The following MEGF6 variants were observed in gnomAD, a reference collection of about 807,000 sequenced individuals.
MEGF6 encodes multiple epidermal growth factor-like domains protein 6.
MEGF6 carries 184 observed loss-of-function variants against 207.1 expected under a neutral mutation model. The observed-to-expected ratio is 0.89, with a 90% CI of 0.79 to 1.00. The LOEUF (loss-of-function observed/expected upper bound fraction) is 1.00, where lower values mean the gene tolerates loss of function less well. Among genes scored for constraint, MEGF6 ranks in the 50% least tolerant of loss-of-function variants. The pLI, the probability that MEGF6 is intolerant of heterozygous loss-of-function variation, is 0.00. For synonymous variants in MEGF6, 1,038 were observed against 910.0 expected (o/e 1.14, Z -2.53); for missense variants, 2,282 against 2,202.9 (o/e 1.04, Z -0.72).
intron 17 of MEGF6, 69 bp from the exon 18 acceptor site, chr1:3,501,990 G>T (rs112947889): frequency 1.2e-4 from 120 of 971,256 alleles, no homozygotes; most frequent in African/African-American, 1.1e-3. Context: ...CTTTCCCCCA[G>T]GGGCTCCTGG....
chr1:3,570,927 A>G (rs1399900330), intron 4 of MEGF6, among the ~76,000 whole-genome samples: 1 of 152,088 alleles, frequency 6.6e-6, no homozygotes, highest in Admixed American at 6.5e-5. Context: ...CCCCAGGGAC[A>G]GGGCCCCAGG....
At chr1:3,536,414 G>A (rs1373846736) in intron 4 of MEGF6, among the ~76,000 whole-genome samples, 1 of 152,252 alleles carries the variant, frequency 6.6e-6, no homozygotes, top group Admixed American at 6.5e-5. Flanking sequence ...GAGTATAAAT[G>A]AGCCCCAGCT....
chr1:3,602,957 G>C (rs113085311), intron 1 of MEGF6, among the ~76,000 whole-genome samples: 1 of 152,178 alleles, frequency 6.6e-6, no homozygotes. Flanking sequence ...AGGACCAAGC[G>C]CGGGCCCATT....
chr1:3,610,711 C>A (rs1054589146), intron 1 of MEGF6, among the ~76,000 whole-genome samples: 17 of 152,360 alleles, frequency 1.1e-4, no homozygotes, highest in African/African-American at 3.6e-4. Context: ...CCCATCTGGG[C>A]ACTGCTCGCC....
At chr1:3,553,263 C>T (rs999808469) in intron 4 of MEGF6, among the ~76,000 whole-genome samples, 1 of 151,962 alleles carries the variant, frequency 6.6e-6, no homozygotes, top group South Asian at 2.1e-4. Flanking sequence ...CCCAGCCTGC[C>T]CAGCTCCCCC....
At chr1:3,567,809 A>G (rs963825796) in intron 4 of MEGF6, among the ~76,000 whole-genome samples, 3 of 152,144 alleles carry the variant, frequency 2.0e-5, no homozygotes, top group African/African-American at 7.2e-5. Context: ...TGCAGGCAGG[A>G]CAGGCCTGTG....
intron 4 of MEGF6, among the ~76,000 whole-genome samples, chr1:3,537,490 GCT>G (rs1223038168): frequency 1.3e-5 from 2 of 152,376 alleles, no homozygotes; most frequent in African/African-American, 4.8e-5. Flanking sequence ...ACCTGTGTGT[GCT>G]CTGTGTGCCA....
At chr1:3,588,416 G>C (rs1323408580) in intron 3 of MEGF6, among the ~76,000 whole-genome samples, 1 of 20,140 alleles carries the variant, frequency 5.0e-5, no homozygotes, top group Non-Finnish European at 1.0e-4. Flanking sequence ...GCAGGAGGGG[G>C]CAGGAGTGGC....
rs766351606 is a variant in MEGF6 at position 3,509,891 on chromosome 1, C to G, written c.1336G>C (p.Glu446Gln). 3.2e-6 allele frequency: 5 copies of G among 1,559,792 alleles called. No homozygotes were observed. The highest frequency in any genetic ancestry group is 4.3e-6 in the Non-Finnish European group (5 of 1,154,748). ...CSCEAGYRLH[E>Q]DRRGCSPLEE... ...TCACGGCTGCAGCCCCTACGGTCCT[C>G]GTGCAGCCGGTAGCCGGCCTCGCAG... Residue 446 changes from glutamate to glutamine, a missense_variant, in exon 11 of 37, where the codon GAG becomes CAG. Physicochemically the swap from Glu to Gln is conservative, Grantham distance 29 (BLOSUM62 2). Coordinates refer to ENST00000356575, the MANE Select transcript of MEGF6 (RefSeq NM_001409.4).
At chr1:3,526,250 G>C (rs542321575) in intron 4 of MEGF6, among the ~76,000 whole-genome samples, 109 of 152,320 alleles carry the variant, frequency 7.2e-4, no homozygotes, top group African/African-American at 2.3e-3. Flanking sequence ...ACATGAGGGA[G>C]AGACCACACG....
Position 3,490,534 on chromosome 1 carries a change from C to T in MEGF6, c.4620G>A (p.Arg1540=), listed in dbSNP as rs756805290. The T allele has an allele frequency of 2.0e-5, 32 of 1,613,004 alleles. No individual in the cohort carries two copies. The highest frequency in any genetic ancestry group is 2.7e-5 in the Non-Finnish European group (32 of 1,179,796). ...CTCCACGGGACTGCCTCTACTAGTG[C>T]CTCGCTGGTCCACCGCTCCGGGATG... is the stretch of plus-strand genomic sequence containing the variant. ...RPTSRSGGPA[R]H The change falls in exon 37 of 37, where the codon AGG becomes AGA. Residue 1540 remains arginine, a synonymous_variant. Coordinates refer to ENST00000356575, the MANE Select transcript of MEGF6 (RefSeq NM_001409.4).
intron 7 of MEGF6, 24 bp from the exon 8 acceptor site, chr1:3,512,152 G>A: frequency 6.3e-7 from 1 of 1,579,336 alleles, no homozygotes; most frequent in Non-Finnish European, 8.6e-7. Context: ...ACCACAGGGA[G>A]GGCTCAGAGG....
chr1:3,553,540 A>T (rs1642949974), intron 4 of MEGF6, among the ~76,000 whole-genome samples: 1 of 152,112 alleles, frequency 6.6e-6, no homozygotes, highest in Admixed American at 6.5e-5. Context: ...AGAGATGGTG[A>T]TCCCTGAGCC....
chr1:3,532,781 C>G (rs1339726965), intron 4 of MEGF6, among the ~76,000 whole-genome samples: 1 of 152,224 alleles, frequency 6.6e-6, no homozygotes, highest in Non-Finnish European at 1.5e-5. Context: ...AGGTCAGGAG[C>G]ATAGCCACGG....
chr1:3,523,074 C>CGGGG (rs146272853), intron 5 of MEGF6, among the ~76,000 whole-genome samples: 6 of 147,988 alleles, frequency 4.1e-5, no homozygotes, highest in African/African-American at 1.2e-4. Flanking sequence ...GAGTGTGTGC[C>CGGGG]GGGGGGGGGG....
rs1407889714 is a variant in MEGF6, at chr1:3,492,693, C to CGGGG, written c.4461_4462insCCCC (p.Val1488ProfsTer80). 6.2e-7 allele frequency: 1 copy of CGGGG among 1,612,660 alleles called. No homozygotes were observed. Among genetic ancestry groups the CGGGG allele is most frequent in the Non-Finnish European group, 8.5e-7 (1 of 1,179,874 alleles). On this transcript the variant is annotated frameshift_variant, in exon 35 of 37. Coordinates refer to ENST00000356575, the MANE Select transcript of MEGF6 (RefSeq NM_001409.4). LOFTEE classifies it high-confidence loss of function. ...TCCACACAGTGACACTGCCCACTGA[C>CGGGG]AGGGTCGCAGTCAGCCCCACCCCCG...
intron 4 of MEGF6, among the ~76,000 whole-genome samples, chr1:3,554,574 C>G (rs1381059191): frequency 1.3e-5 from 2 of 152,186 alleles, no homozygotes; most frequent in Non-Finnish European, 2.9e-5. Flanking sequence ...CAACAGAAGC[C>G]TCTCTTAAAG....
At chr1:3,596,225 G>A (rs1198749315) in intron 2 of MEGF6, among the ~76,000 whole-genome samples, 7 of 152,042 alleles carry the variant, frequency 4.6e-5, no homozygotes, top group Non-Finnish European at 7.4e-5. Flanking sequence ...GGCTGCGGCT[G>A]TCACTAAGGC....
In MEGF6 at chr1:3,494,709, C is replaced by T. The variant is rs751963200; in HGVS notation, c.3904G>A (p.Glu1302Lys). 5.4e-5 allele frequency: 86 copies of T among 1,587,522 alleles called. No individual in the cohort carries two copies. Among genetic ancestry groups the T allele is most frequent in the East Asian group, 6.9e-5 (3 of 43,614 alleles). ...CCATTTCTGCAGGAGCAGGTGTGCTCGCAGCCCACGCCAAACCGGTTCTGG... is the reference window on the plus strand; with the variant it reads ...CCATTTCTGCAGGAGCAGGTGTGCTTGCAGCCCACGCCAAACCGGTTCTGG... ...CPQNRFGVGCEHTCSCRNGGL... is the reference protein window; with the variant it reads ...CPQNRFGVGCKHTCSCRNGGL... The change falls in exon 31 of 37, where the codon GAG (glutamate) becomes AAG (lysine). Residue 1302 changes from glutamate (E) to lysine (K), a missense_variant. By Grantham distance (56) the Glu-to-Lys change is moderately conservative. Transcript: ENST00000356575.
Sources: gnomAD v4.1 joint callset for allele counts (sites outside exome capture counted in the v4.1 genomes callset) on GRCh38, gnomAD v4.1.1 for gene constraint, MANE v1.5 for transcripts, NCBI Gene and HGNC (gene_info 2026-07-23, HGNC 2026-07-21) for gene names.